Variants in RANBP2 observed in about 807,000 individuals in gnomAD.
RANBP2 encodes the protein E3 SUMO-protein ligase RanBP2.
Under a neutral mutation model 303.6 loss-of-function variants are expected in RANBP2, and 57 were observed. That is an observed-to-expected ratio of 0.19 (90% CI 0.15 to 0.23). The LOEUF is 0.23. Ranked by LOEUF, RANBP2 falls within the 10% of genes least tolerant of loss-of-function variation. The pLI, the probability that RANBP2 is intolerant of heterozygous loss-of-function variation, is 1.00. For missense variants in RANBP2, 3,138 were observed against 3,780.8 expected (o/e 0.83, Z 4.46); for synonymous variants, 1,167 against 1,301.5 (o/e 0.90, Z 2.23).
the RANBP2 span, among the ~76,000 whole-genome samples, chr2:109,187,122 A>G: frequency 6.7e-6 from 1 of 149,804 alleles, no homozygotes; most frequent in Non-Finnish European, 1.5e-5. Flanking sequence ...CCAGAGCCAC[A>G]GGGTGAGGGA....
the RANBP2 span, among the ~76,000 whole-genome samples, chr2:109,392,154 C>T: frequency 6.6e-6 from 1 of 152,214 alleles, no homozygotes; most frequent in Admixed American, 6.5e-5. Flanking sequence ...ATTTGAATCT[C>T]TAAAATGTAC....
the RANBP2 span, chr2:109,398,595 T>C: frequency 6.4e-7 from 1 of 1,561,314 alleles, no homozygotes; most frequent in Non-Finnish European, 8.7e-7. Context: ...CTCAGCTCAA[T>C]GACTCCGCCA....
chr2:108,738,380 T>C (rs1476172160), intron 6 of RANBP2, among the ~76,000 whole-genome samples: 2 of 152,012 alleles, frequency 1.3e-5, no homozygotes, highest in East Asian at 3.9e-4. Context: ...CAGCTGGTCC[T>C]GATCTCTTGA....
the RANBP2 span, among the ~76,000 whole-genome samples, chr2:109,276,974 C>T: frequency 6.6e-6 from 1 of 152,046 alleles, no homozygotes; most frequent in African/African-American, 2.4e-5. Flanking sequence ...CTCGGCTTCT[C>T]CCTGAAAGGA....
intron 7 of RANBP2, among the ~76,000 whole-genome samples, chr2:108,742,500 T>C (rs1194965217): frequency 1.3e-5 from 2 of 151,784 alleles, no homozygotes; most frequent in African/African-American, 4.8e-5. Context: ...GAGACGGGGT[T>C]TCACCATGTT....
the RANBP2 span, among the ~76,000 whole-genome samples, chr2:109,305,089 G>T: frequency 6.6e-6 from 1 of 152,202 alleles, no homozygotes. Flanking sequence ...CATGCTGTAA[G>T]ACTGCCTTCT....
chr2:108,930,936 G>A, the RANBP2 span: 1 of 1,612,988 alleles, frequency 6.2e-7, no homozygotes, highest in Non-Finnish European at 8.5e-7. Context: ...TGAGGGTGCT[G>A]TGGGGGTAAG....
chr2:108,783,897 T>C lies in RANBP2; in HGVS notation c.9671T>C (p.Ile3224Thr). ...ATAACTATCACAGAATGTGGACAGA[T>C]ATAAAATCATTGTTGTTCATAGAAA... ...RRITITECGQ[I>T] Residue 3224 changes from isoleucine (I) to threonine (T), a missense_variant, in exon 29 of 29, where the codon ATA (isoleucine) becomes ACA (threonine). Physicochemically the swap from Ile to Thr is moderately conservative, Grantham distance 89. Transcript: ENST00000283195. 2 of 1,608,318 alleles carry C rather than the reference T, an allele frequency of 1.2e-6. No individual in the cohort carries two copies. Among genetic ancestry groups the C allele is most frequent in the Non-Finnish European group, 1.7e-6 (2 of 1,174,812 alleles).
the RANBP2 span, among the ~76,000 whole-genome samples, chr2:108,814,995 TG>T: frequency 1.3e-5 from 2 of 152,160 alleles, no homozygotes; most frequent in African/African-American, 4.8e-5. Context: ...ATATGTGTAG[TG>T]GTATCTTATT....
At chr2:109,467,998 G>A in the RANBP2 span, among the ~76,000 whole-genome samples, 3 of 152,238 alleles carry the variant, frequency 2.0e-5, no homozygotes, top group African/African-American at 7.2e-5. Flanking sequence ...CCTCCTCAGA[G>A]CGGAAAACAT....
At chr2:109,544,371 C>A in the RANBP2 span, 1 of 1,548,704 alleles carries the variant, frequency 6.5e-7, no homozygotes, top group South Asian at 1.2e-5. Flanking sequence ...AAAAAAAATT[C>A]AAGTAAAAAT....
At chr2:108,970,464 T>C in the RANBP2 span, among the ~76,000 whole-genome samples, 1 of 152,148 alleles carries the variant, frequency 6.6e-6, no homozygotes, top group African/African-American at 2.4e-5. Flanking sequence ...GCCTTGGTTA[T>C]ACTGAGACAC....
chr2:109,081,323 G>T, the RANBP2 span, among the ~76,000 whole-genome samples: 1 of 152,264 alleles, frequency 6.6e-6, no homozygotes, highest in East Asian at 1.9e-4. Context: ...TCTGATATTT[G>T]GGGGAAAGGA....
the RANBP2 span, among the ~76,000 whole-genome samples, chr2:109,403,323 T>C: frequency 6.6e-6 from 1 of 152,160 alleles, no homozygotes; most frequent in African/African-American, 2.4e-5. Context: ...TCTCACCTCC[T>C]CTGTCCTGGC....
the RANBP2 span, among the ~76,000 whole-genome samples, chr2:109,438,928 A>G: frequency 6.6e-6 from 1 of 152,072 alleles, no homozygotes; most frequent in Non-Finnish European, 1.5e-5. Context: ...TTCTGTACAA[A>G]TGTTTCCACA....
At chr2:108,839,203 G>A in the RANBP2 span, 1 of 1,610,272 alleles carries the variant, frequency 6.2e-7, no homozygotes, top group East Asian at 2.2e-5. Flanking sequence ...TCTAATGACA[G>A]AGCAGCTACA....
the RANBP2 span, among the ~76,000 whole-genome samples, chr2:108,980,958 G>C: frequency 1.6e-5 from 2 of 127,336 alleles, no homozygotes; most frequent in Non-Finnish European, 3.4e-5. Context: ...AGGAAAGACA[G>C]GGACCTCTGA....
At chr2:109,665,001 T>C in the RANBP2 span, among the ~76,000 whole-genome samples, 1 of 151,604 alleles carries the variant, frequency 6.6e-6, no homozygotes, top group East Asian at 1.9e-4. Flanking sequence ...TACCTACACA[T>C]AGAAAAAAAT....
chr2:109,613,869 G>T, the RANBP2 span: 1 of 1,230,844 alleles, frequency 8.1e-7, no homozygotes, highest in Non-Finnish European at 1.0e-6. Context: ...TATCAGCCCG[G>T]CCCCGAGCGG....
Sources: gnomAD v4.1 joint callset for allele counts (sites outside exome capture counted in the v4.1 genomes callset) on GRCh38, gnomAD v4.1.1 for gene constraint, MANE v1.5 for transcripts, NCBI Gene and HGNC (gene_info 2026-07-23, HGNC 2026-07-21) for gene names.